The following ESRRG variants were observed in gnomAD, a reference collection of about 807,000 sequenced individuals.
The protein encoded by ESRRG is estrogen related receptor gamma, also known as estrogen-related receptor gamma.
A neutral mutation model predicts 44.0 loss-of-function variants in ESRRG; 13 were observed. That is an observed-to-expected ratio of 0.30 (90% CI 0.19 to 0.47). The LOEUF is 0.47. Among genes scored for constraint, ESRRG ranks in the 20% least tolerant of loss-of-function variants. The pLI is 1.00. For synonymous variants in ESRRG, 215 were observed against 214.6 expected, an observed-to-expected ratio of 1.00 and a Z score of -0.02; for missense variants, 395 against 580.6, an observed-to-expected ratio of 0.68 and a Z score of 3.29.
intron 1 of ESRRG, among the ~76,000 whole-genome samples, chr1:217,096,730 A>G (rs1313407532): frequency 6.6e-6 from 1 of 150,714 alleles, no homozygotes; most frequent in Non-Finnish European, 1.5e-5. Flanking sequence ...ACTTCCATCC[A>G]CAAACTGATA....
At chr1:216,586,064 G>C (rs112723572) in intron 3 of ESRRG, among the ~76,000 whole-genome samples, 1 of 130,644 alleles carries the variant, frequency 7.7e-6, no homozygotes, top group East Asian at 2.2e-4. Flanking sequence ...AATTAATAAA[G>C]TTATTTTTTA....
At chr1:217,036,513 A>G (rs1383533258) in intron 1 of ESRRG, among the ~76,000 whole-genome samples, 1 of 152,190 alleles carries the variant, frequency 6.6e-6, no homozygotes, top group African/African-American at 2.4e-5. Context: ...GTCCTTTGCA[A>G]AAACATGGAT....
At chr1:216,572,426 T>C (rs1238631232) in intron 3 of ESRRG, among the ~76,000 whole-genome samples, 2 of 152,118 alleles carry the variant, frequency 1.3e-5, no homozygotes, top group East Asian at 3.8e-4. Flanking sequence ...TGAAAATAGG[T>C]TTATTCATGT....
chr1:216,523,847 A>AC (rs2046842108), intron 5 of ESRRG, among the ~76,000 whole-genome samples: 1 of 96,428 alleles, frequency 1.0e-5, no homozygotes, highest in Admixed American at 1.2e-4. Flanking sequence ...TCTGTTCCAC[A>AC]AAAAAAAAAA....
chr1:216,935,189 C>T (rs189993088), intron 2 of ESRRG, among the ~76,000 whole-genome samples: 53 of 152,078 alleles, frequency 3.5e-4, no homozygotes, highest in Non-Finnish European at 6.2e-4. Context: ...GGGTGTCCTA[C>T]GATTTAACTC....
chr1:216,937,383 C>A (rs747419280), intron 2 of ESRRG, among the ~76,000 whole-genome samples: 1 of 152,018 alleles, frequency 6.6e-6, no homozygotes, highest in South Asian at 2.1e-4. Flanking sequence ...AGATGGGTGT[C>A]CTAAAGGTTT....
chr1:217,047,269 T>C (rs2085064837), intron 1 of ESRRG, among the ~76,000 whole-genome samples: 1 of 152,188 alleles, frequency 6.6e-6, no homozygotes, highest in Admixed American at 6.5e-5. Flanking sequence ...TACTGATTAC[T>C]AAATATGTCC....
chr1:216,973,282 C>T (rs1045813971), intron 1 of ESRRG, among the ~76,000 whole-genome samples: 5 of 152,190 alleles, frequency 3.3e-5, no homozygotes, highest in Admixed American at 2.0e-4. Context: ...TGCAGTACTC[C>T]TGTTTCTCCT....
chr1:216,692,794 ATACT>A (rs2079314119), intron 1 of ESRRG, among the ~76,000 whole-genome samples: 1 of 152,310 alleles, frequency 6.6e-6, no homozygotes, highest in East Asian at 1.9e-4. Context: ...AGATACACAA[ATACT>A]TACCATTATG....
chr1:216,726,874 G>A (rs1436444634), upstream of ESRRG, among the ~76,000 whole-genome samples: 3 of 152,070 alleles, frequency 2.0e-5, no homozygotes, highest in Non-Finnish European at 4.4e-5. Flanking sequence ...ATGAAAACAA[G>A]CAAAGCTCAA....
chr1:216,818,479 C>T (rs1208305853), intron 2 of ESRRG, among the ~76,000 whole-genome samples: 1 of 152,214 alleles, frequency 6.6e-6, no homozygotes, highest in African/African-American at 2.4e-5. Flanking sequence ...AAAGAAACGG[C>T]ACACTGGTCA....
intron 5 of ESRRG, among the ~76,000 whole-genome samples, chr1:216,546,442 T>C (rs1301149386): frequency 6.6e-6 from 1 of 152,066 alleles, no homozygotes; most frequent in Non-Finnish European, 1.5e-5. Flanking sequence ...CCAACTCTCA[T>C]AGCAATACTA....
chr1:216,779,941 G>A (rs7535876), intron 2 of ESRRG, among the ~76,000 whole-genome samples: 13,341 of 151,742 alleles, frequency 0.088, 836 homozygotes, highest in African/African-American at 0.17. Flanking sequence ...CATGTATAAA[G>A]TGACTAGCAG....
At chr1:216,856,063 T>G (rs903143445) in intron 2 of ESRRG, among the ~76,000 whole-genome samples, 5 of 152,152 alleles carry the variant, frequency 3.3e-5, no homozygotes, top group Non-Finnish European at 7.3e-5. Context: ...GGGCATTGTG[T>G]TGACACCTAT....
At chr1:216,888,668 T>C (rs2057373302) in intron 2 of ESRRG, among the ~76,000 whole-genome samples, 1 of 152,150 alleles carries the variant, frequency 6.6e-6, no homozygotes, top group African/African-American at 2.4e-5. Context: ...CTTTATCTAG[T>C]TCCTAGCACC....
intron 5 of ESRRG, among the ~76,000 whole-genome samples, chr1:216,538,723 G>A (rs911782260): frequency 9.2e-5 from 14 of 151,986 alleles, no homozygotes; most frequent in African/African-American, 3.4e-4. Context: ...CACATTCTTA[G>A]GTTTACATCT....
At chr1:216,638,051 A>G (rs1158894383) in intron 3 of ESRRG, among the ~76,000 whole-genome samples, 1 of 152,296 alleles carries the variant, frequency 6.6e-6, no homozygotes, top group East Asian at 1.9e-4. Context: ...CTACTATGTG[A>G]TCATTATTGT....
chr1:216,989,288 A>G (rs1003077051), intron 1 of ESRRG, among the ~76,000 whole-genome samples: 19 of 151,856 alleles, frequency 1.3e-4, no homozygotes, highest in African/African-American at 3.9e-4. Context: ...CTCCATCTCT[A>G]AAAAAATACA....
intron 1 of ESRRG, among the ~76,000 whole-genome samples, chr1:217,061,271 C>T (rs2151353584): frequency 6.6e-6 from 1 of 152,156 alleles, no homozygotes; most frequent in African/African-American, 2.4e-5. Context: ...CATTACCTTC[C>T]CAATTCCTTT....
Sources: gnomAD v4.1 joint callset for allele counts (sites outside exome capture counted in the v4.1 genomes callset) on GRCh38, gnomAD v4.1.1 for gene constraint, MANE v1.5 for transcripts, NCBI Gene and HGNC (gene_info 2026-07-23, HGNC 2026-07-21) for gene names.